The following ANKS1B variants were observed in gnomAD, a reference collection of about 807,000 sequenced individuals.
ANKS1B encodes ankyrin repeat and sterile alpha motif domain-containing protein 1B.
Under a neutral mutation model 148.3 loss-of-function variants are expected in ANKS1B, and 36 were observed. The observed-to-expected ratio is 0.24, with a 90% CI of 0.19 to 0.32. The LOEUF is 0.32. Ranked by LOEUF, ANKS1B falls within the 10% of genes least tolerant of loss-of-function variation. The pLI is 1.00. For missense variants in ANKS1B, 1,157 were observed against 1,542.6 expected, an observed-to-expected ratio of 0.75 and a Z score of 4.19; for synonymous variants, 542 against 560.8, an observed-to-expected ratio of 0.97 and a Z score of 0.47.
intron 14 of ANKS1B, among the ~76,000 whole-genome samples, chr12:99,184,967 T>C (rs2079618703): frequency 6.6e-6 from 1 of 152,216 alleles, no homozygotes; most frequent in Non-Finnish European, 1.5e-5. Context: ...ATCCTATATA[T>C]TGGATAATTA....
chr12:99,621,602 C>T (rs564968798), intron 9 of ANKS1B, among the ~76,000 whole-genome samples: 26 of 152,042 alleles, frequency 1.7e-4, no homozygotes, highest in East Asian at 5.8e-4. Flanking sequence ...GCAAGGGTCA[C>T]TGTCTTTATA....
At chr12:99,463,803 G>A (rs1458239501) in intron 10 of ANKS1B, among the ~76,000 whole-genome samples, 2 of 152,354 alleles carry the variant, frequency 1.3e-5, no homozygotes, top group African/African-American at 2.4e-5. Flanking sequence ...CGAACTGGGT[G>A]GAGCCCACCA....
chr12:98,749,353 C>T (rs941841174), intron 26 of ANKS1B, among the ~76,000 whole-genome samples: 8 of 152,026 alleles, frequency 5.3e-5, no homozygotes, highest in African/African-American at 1.7e-4. Flanking sequence ...GTGATCTGCC[C>T]GCTTCGGACT....
chr12:98,830,292 G>A (rs2099292212), intron 18 of ANKS1B, among the ~76,000 whole-genome samples: 1 of 151,840 alleles, frequency 6.6e-6, no homozygotes, highest in African/African-American at 2.4e-5. Context: ...CTCTTTCTAA[G>A]GGGTGAAATT....
chr12:99,680,770 C>T (rs940710027), intron 8 of ANKS1B, among the ~76,000 whole-genome samples: 9 of 152,108 alleles, frequency 5.9e-5, no homozygotes, highest in Non-Finnish European at 1.3e-4. Flanking sequence ...CAGTACTGCT[C>T]ACAGGCTCCC....
chr12:98,977,477 A>C (rs1042816235), intron 17 of ANKS1B, among the ~76,000 whole-genome samples: 1 of 150,100 alleles, frequency 6.7e-6, no homozygotes. Context: ...ATATATAAGC[A>C]TGAAAATGCA....
At chr12:99,326,349 T>C (rs1321963877) in intron 12 of ANKS1B, among the ~76,000 whole-genome samples, 1 of 152,054 alleles carries the variant, frequency 6.6e-6, no homozygotes, top group African/African-American at 2.4e-5. Context: ...AGCCAAAGCA[T>C]TAGCAGAAAA....
chr12:98,843,490 T>G (rs535905944), intron 17 of ANKS1B, among the ~76,000 whole-genome samples: 1 of 152,346 alleles, frequency 6.6e-6, no homozygotes, highest in East Asian at 1.9e-4. Context: ...CTTCCTAGCC[T>G]GCAGAACCAT....
At chr12:99,611,318 G>A (rs185137959) in intron 9 of ANKS1B, among the ~76,000 whole-genome samples, 78 of 152,010 alleles carry the variant, frequency 5.1e-4, no homozygotes, top group African/African-American at 1.7e-3. Flanking sequence ...CCAATTCCAC[G>A]TTTCTTCCAT....
intron 17 of ANKS1B, among the ~76,000 whole-genome samples, chr12:99,003,656 A>G (rs983136149): frequency 2.0e-5 from 3 of 152,198 alleles, no homozygotes; most frequent in African/African-American, 4.8e-5. Context: ...TCATGGCTCT[A>G]TGAAGGCAGG....
At chr12:99,952,045 A>G (rs1323745586) in intron 1 of ANKS1B, among the ~76,000 whole-genome samples, 1 of 152,204 alleles carries the variant, frequency 6.6e-6, no homozygotes. Context: ...AAAAAGTATC[A>G]CCCATAAATA....
intron 8 of ANKS1B, among the ~76,000 whole-genome samples, chr12:99,743,009 G>A (rs2060267818): frequency 6.6e-6 from 1 of 152,086 alleles, no homozygotes; most frequent in African/African-American, 2.4e-5. Context: ...AAGAAATCTT[G>A]ATAACAAATT....
At chr12:98,850,528 C>T (rs1054123125) in intron 17 of ANKS1B, among the ~76,000 whole-genome samples, 1 of 122,526 alleles carries the variant, frequency 8.2e-6, no homozygotes, top group Non-Finnish European at 1.6e-5. Context: ...AGTGCAGTGG[C>T]GTGATCTCGG....
chr12:99,264,965 A>C (rs2153984716), intron 12 of ANKS1B, among the ~76,000 whole-genome samples: 1 of 152,252 alleles, frequency 6.6e-6, no homozygotes, highest in African/African-American at 2.4e-5. Flanking sequence ...AGGGCTGTTC[A>C]GTAGAATTTT....
intron 14 of ANKS1B, among the ~76,000 whole-genome samples, chr12:99,190,574 C>CA (rs2080526702): frequency 6.6e-6 from 1 of 152,218 alleles, no homozygotes; most frequent in South Asian, 2.1e-4. Flanking sequence ...ACAAGCCTGA[C>CA]AAAAACAAGC....
At chr12:99,069,565 A>G (rs2153582945) in intron 16 of ANKS1B, among the ~76,000 whole-genome samples, 1 of 152,348 alleles carries the variant, frequency 6.6e-6, no homozygotes, top group South Asian at 2.1e-4. Flanking sequence ...TGTGATTCAT[A>G]AATTATAACC....
chr12:98,867,689 C>T (rs61480121), intron 17 of ANKS1B, among the ~76,000 whole-genome samples: 18,433 of 151,682 alleles, frequency 0.12, 2,123 homozygotes, highest in African/African-American at 0.29. Flanking sequence ...GGTGAAACCC[C>T]GTCTCTACTA....
intron 1 of ANKS1B, among the ~76,000 whole-genome samples, chr12:99,903,944 G>T: frequency 6.6e-6 from 1 of 152,062 alleles, no homozygotes; most frequent in East Asian, 1.9e-4. Context: ...CAGTGTGTAT[G>T]GTAAATTTGA....
intron 9 of ANKS1B, among the ~76,000 whole-genome samples, chr12:99,534,697 TC>T (rs1359019778): frequency 6.0e-5 from 9 of 150,406 alleles, no homozygotes; most frequent in Admixed American, 4.7e-4. Context: ...ACTTTTTTTT[TC>T]TTTTTTCTTT....
Sources: gnomAD v4.1 joint callset for allele counts (sites outside exome capture counted in the v4.1 genomes callset) on GRCh38, gnomAD v4.1.1 for gene constraint, MANE v1.5 for transcripts, NCBI Gene and HGNC (gene_info 2026-07-23, HGNC 2026-07-21) for gene names.